The following CCSER1 variants were observed in gnomAD, a reference collection of about 807,000 sequenced individuals.
The protein encoded by CCSER1 is serine-rich coiled-coil domain-containing protein 1.
Under a neutral mutation model 82.0 loss-of-function variants are expected in CCSER1, and 41 were observed. The observed-to-expected ratio is 0.50, with a 90% CI of 0.39 to 0.65. The LOEUF is 0.65. Among genes scored for constraint, CCSER1 ranks in the 30% least tolerant of loss-of-function variants. The probability of loss-of-function intolerance (pLI) is 0.00; values close to 1 mark genes in which losing one functional copy is unlikely to be tolerated. For synonymous variants in CCSER1, 414 were observed against 383.9 expected, an observed-to-expected ratio of 1.08 and a Z score of -0.92; for missense variants, 1,119 against 1,064.2, an observed-to-expected ratio of 1.05 and a Z score of -0.72.
chr4:90,255,193 C>T (rs1723059209), intron 1 of CCSER1, among the ~76,000 whole-genome samples: 1 of 152,072 alleles, frequency 6.6e-6, no homozygotes, highest in South Asian at 2.1e-4. Flanking sequence ...CAAATACCAT[C>T]AGAATTTCCA....
At chr4:91,413,958 C>T (rs1043987626) in intron 10 of CCSER1, among the ~76,000 whole-genome samples, 1 of 151,822 alleles carries the variant, frequency 6.6e-6, no homozygotes, top group Non-Finnish European at 1.5e-5. Context: ...GTCTTTCATA[C>T]GTGAAGAAAA....
chr4:90,570,847 C>G (rs541558573), intron 5 of CCSER1, among the ~76,000 whole-genome samples: 1 of 152,186 alleles, frequency 6.6e-6, no homozygotes, highest in East Asian at 1.9e-4. Flanking sequence ...AATTATACCA[C>G]CAAACAAAAA....
rs554736314 is a variant in CCSER1 at position 90,251,581 on chromosome 4, T to G, written c.-41-56663T>G. On this transcript the variant is annotated intron_variant, in intron 1 of 10. Coordinates refer to ENST00000509176, the MANE Select transcript of CCSER1 (RefSeq NM_001145065.2). Reference sequence around the variant, plus strand: ...AGATTTCTGGAAAAATTCCACTTCCTCATGGTGTATGACCTTTTTATTATG... The same window carrying G: ...AGATTTCTGGAAAAATTCCACTTCCGCATGGTGTATGACCTTTTTATTATG... Among the ~76,000 whole-genome samples, 7 of 152,070 alleles carry G rather than the reference T, an allele frequency of 4.6e-5. No homozygotes were observed. In the East Asian group the frequency reaches 1.3e-3, roughly 29 times the overall value.
chr4:90,446,973 C>T (rs1278885819), intron 4 of CCSER1, among the ~76,000 whole-genome samples: 1 of 152,154 alleles, frequency 6.6e-6, no homozygotes, highest in Non-Finnish European at 1.5e-5. Flanking sequence ...AAGAATACAG[C>T]AATAATGCAT....
At chr4:90,529,951 A>ATATATATT (rs376043950) in intron 5 of CCSER1, among the ~76,000 whole-genome samples, 17 of 127,098 alleles carry the variant, frequency 1.3e-4, no homozygotes, top group African/African-American at 4.2e-4. Context: ...ATATATATAT[A>ATATATATT]TTTTTTTTTT....
At chr4:91,357,283 A>T (rs560775856) in intron 10 of CCSER1, among the ~76,000 whole-genome samples, 2 of 152,304 alleles carry the variant, frequency 1.3e-5, no homozygotes, top group South Asian at 2.1e-4. Context: ...GTTAAACTTA[A>T]TTTTAATAAA....
intron 5 of CCSER1, among the ~76,000 whole-genome samples, chr4:90,506,629 G>A (rs958527552): frequency 1.3e-5 from 2 of 151,988 alleles, no homozygotes; most frequent in East Asian, 1.9e-4. Flanking sequence ...GCCAGGCATG[G>A]TAGTGTGTGC....
chr4:90,880,333 C>T (rs564017196), intron 8 of CCSER1, among the ~76,000 whole-genome samples: 1 of 152,018 alleles, frequency 6.6e-6, no homozygotes, highest in African/African-American at 2.4e-5. Flanking sequence ...ACCAGAGATA[C>T]GGGTCAGTAA....
intron 10 of CCSER1, among the ~76,000 whole-genome samples, chr4:91,578,980 T>C (rs1453996251): frequency 6.6e-6 from 1 of 151,878 alleles, no homozygotes; most frequent in Non-Finnish European, 1.5e-5. Flanking sequence ...AAATACCTCA[T>C]AGTTAAAATC....
intron 9 of CCSER1, among the ~76,000 whole-genome samples, chr4:90,979,230 A>T (rs1382266882): frequency 6.6e-6 from 1 of 151,552 alleles, no homozygotes; most frequent in Non-Finnish European, 1.5e-5. Flanking sequence ...AAAGCCAATT[A>T]GATACTAATA....
chr4:90,173,023 G>T lies in CCSER1; in HGVS notation c.-42+45192G>T, dbSNP rs563600775. Among the ~76,000 whole-genome samples, 74 of 151,726 alleles carry T rather than the reference G, an allele frequency of 4.9e-4. 1 individual carries two copies. Among genetic ancestry groups the T allele is most frequent in the Non-Finnish European group, 5.3e-4 (36 of 67,820 alleles). ...TTACAGATAGATAAGACCCTATTTG[G>T]CAGGGAAAGTGGCGATTTCAGTTTT... On this transcript the variant is annotated intron_variant, in intron 1 of 10. Coordinates refer to ENST00000509176, the MANE Select transcript of CCSER1 (RefSeq NM_001145065.2).
intron 1 of CCSER1, among the ~76,000 whole-genome samples, chr4:90,243,542 C>T (rs942435699): frequency 2.0e-5 from 3 of 151,272 alleles, no homozygotes; most frequent in Non-Finnish European, 2.9e-5. Context: ...CCACTGCTCC[C>T]GGCCATGTTT....
At chr4:90,364,174 T>G (rs1183424073) in intron 3 of CCSER1, among the ~76,000 whole-genome samples, 1 of 152,008 alleles carries the variant, frequency 6.6e-6, no homozygotes, top group Non-Finnish European at 1.5e-5. Context: ...TACCCTGAAA[T>G]AGACAATAAA....
intron 10 of CCSER1, among the ~76,000 whole-genome samples, chr4:91,545,119 C>A (rs1378178182): frequency 1.3e-5 from 2 of 152,142 alleles, no homozygotes; most frequent in Non-Finnish European, 2.9e-5. Context: ...GCTTGGGACC[C>A]TCCGAGCCAT....
At chr4:90,581,014 TTTAGTTATTTTC>T (rs905798994) in intron 5 of CCSER1, among the ~76,000 whole-genome samples, 13 of 152,238 alleles carry the variant, frequency 8.5e-5, no homozygotes, top group African/African-American at 3.1e-4. Flanking sequence ...TCCAAAATAT[TTTAGTTATTTTC>T]TTACCTGAAA....
At chr4:90,606,742 A>G (rs1285559998) in intron 5 of CCSER1, among the ~76,000 whole-genome samples, 1 of 152,210 alleles carries the variant, frequency 6.6e-6, no homozygotes, top group Non-Finnish European at 1.5e-5. Context: ...TATGTCTCTC[A>G]GAGATAATAA....
At chr4:90,313,419 C>T (rs1735647727) in intron 3 of CCSER1, among the ~76,000 whole-genome samples, 1 of 152,158 alleles carries the variant, frequency 6.6e-6, no homozygotes, top group Non-Finnish European at 1.5e-5. Context: ...TTTTGTAAAT[C>T]ACACTTACTC....
chr4:90,495,061 C>T (rs1187774806), intron 5 of CCSER1, among the ~76,000 whole-genome samples: 1 of 152,110 alleles, frequency 6.6e-6, no homozygotes, highest in Non-Finnish European at 1.5e-5. Context: ...CATTGCCCTG[C>T]TTGCAAATTT....
chr4:91,534,795 A>C (rs1484301096), intron 10 of CCSER1, among the ~76,000 whole-genome samples: 1 of 151,900 alleles, frequency 6.6e-6, no homozygotes, highest in Non-Finnish European at 1.5e-5. Flanking sequence ...ATTACTTTGG[A>C]CATTTTATAG....
Sources: allele counts gnomAD v4.1 joint callset (sites outside exome capture counted in the v4.1 genomes callset), GRCh38; gene constraint gnomAD v4.1.1; transcripts MANE v1.5; gene names NCBI Gene and HGNC (gene_info 2026-07-23, HGNC 2026-07-21).